Variants in PARD3B observed in about 807,000 individuals in gnomAD.
PARD3B encodes partitioning defective 3 homolog B.
A neutral mutation model predicts 130.2 loss-of-function variants in PARD3B; 103 were observed. That is an observed-to-expected ratio of 0.79 (90% CI 0.67 to 0.93). The LOEUF is 0.93. Ranked by LOEUF, PARD3B falls within the 40% of genes least tolerant of loss-of-function variation. The probability of loss-of-function intolerance (pLI) is 0.00; values close to 1 mark genes in which losing one functional copy is unlikely to be tolerated. For missense variants in PARD3B, 1,609 were observed against 1,499.2 expected, an observed-to-expected ratio of 1.07 and a Z score of -1.21; for synonymous variants, 583 against 553.2, an observed-to-expected ratio of 1.05 and a Z score of -0.76.
intron 2 of PARD3B, among the ~76,000 whole-genome samples, chr2:204,753,007 C>A (rs1294686581): frequency 6.6e-6 from 1 of 152,172 alleles, no homozygotes; most frequent in Admixed American, 6.6e-5. Flanking sequence ...AAAATGACAT[C>A]TTTTCAAAAT....
chr2:204,858,875 A>G, intron 2 of PARD3B, among the ~76,000 whole-genome samples: 1 of 150,954 alleles, frequency 6.6e-6, no homozygotes, highest in East Asian at 1.9e-4. Flanking sequence ...TTATGATTTC[A>G]GTTAGAATTT....
At chr2:205,053,486 A>C (rs1364220212) in intron 4 of PARD3B, among the ~76,000 whole-genome samples, 1 of 151,848 alleles carries the variant, frequency 6.6e-6, no homozygotes, top group African/African-American at 2.4e-5. Flanking sequence ...AAAATACAAA[A>C]AAAATTATCC....
At chr2:204,592,320 G>A (rs1262506997) in intron 1 of PARD3B, among the ~76,000 whole-genome samples, 2 of 152,232 alleles carry the variant, frequency 1.3e-5, no homozygotes, top group East Asian at 3.8e-4. Flanking sequence ...ACGAAAAAGA[G>A]CACATGTGAG....
At position 205,158,310 on chromosome 2, in the gene PARD3B, T is replaced by C. The variant is rs1337332080; in HGVS notation, c.1435-412T>C. On this transcript the variant is annotated intron_variant, in intron 10 of 22. Coordinates refer to ENST00000406610, the MANE Select transcript of PARD3B (RefSeq NM_001302769.2). This position sits in a 1 kb window ranked among gnomAD's most constrained non-coding sequence, Gnocchi z 5.4. ...TAAGACGTTTCTACACTAAACTCTG[T>C]TCCTTCATCTGTAAAGTGAAGATGT... Among the ~76,000 whole-genome samples, 1 of 152,190 alleles carries C rather than the reference T, an allele frequency of 6.6e-6. No individual in the cohort carries two copies. The highest frequency in any genetic ancestry group is 1.5e-5 in the Non-Finnish European group (1 of 68,034).
intron 2 of PARD3B, among the ~76,000 whole-genome samples, chr2:204,893,056 G>A (rs1048885413): frequency 1.3e-5 from 2 of 152,166 alleles, no homozygotes; most frequent in African/African-American, 4.8e-5. Context: ...GTAGGTCTGT[G>A]ACTTAGCCCA....
chr2:204,614,800 C>T (rs887047043), intron 1 of PARD3B, among the ~76,000 whole-genome samples: 3 of 152,136 alleles, frequency 2.0e-5, no homozygotes, highest in Admixed American at 6.6e-5. Flanking sequence ...CCTCCCGCTT[C>T]ACCTTCTGCC....
chr2:205,424,786 G>A (rs1222345902), intron 19 of PARD3B, among the ~76,000 whole-genome samples: 1 of 152,106 alleles, frequency 6.6e-6, no homozygotes, highest in Non-Finnish European at 1.5e-5. Context: ...AGCACCGAGG[G>A]CCTGTCGTTT....
intron 2 of PARD3B, among the ~76,000 whole-genome samples, chr2:204,819,613 T>C (rs2043264747): frequency 6.6e-6 from 1 of 152,142 alleles, no homozygotes; most frequent in South Asian, 2.1e-4. Context: ...TGATTAAGCT[T>C]AGTGAGGAAG....
intron 18 of PARD3B, among the ~76,000 whole-genome samples, chr2:205,328,704 A>G (rs1241837056): frequency 6.6e-6 from 1 of 152,204 alleles, no homozygotes; most frequent in East Asian, 1.9e-4. Context: ...AATAATACAT[A>G]TGGGATCACC....
chr2:205,209,715 G>A (rs1036260071), intron 15 of PARD3B, among the ~76,000 whole-genome samples: 1 of 151,856 alleles, frequency 6.6e-6, no homozygotes, highest in African/African-American at 2.4e-5. Flanking sequence ...AATACTTTAT[G>A]AAGTGATTAA....
intron 10 of PARD3B, among the ~76,000 whole-genome samples, chr2:205,137,417 T>C (rs539446773): frequency 1.6e-4 from 25 of 152,312 alleles, no homozygotes; most frequent in African/African-American, 6.0e-4. Flanking sequence ...TAGAGTGACA[T>C]GTTGTTGGCT....
chr2:204,833,229 T>G (rs1276819331), intron 2 of PARD3B, among the ~76,000 whole-genome samples: 1 of 152,216 alleles, frequency 6.6e-6, no homozygotes, highest in Non-Finnish European at 1.5e-5. Context: ...AAAGTGTTTG[T>G]CAGTATTCAC....
rs116729143 is a variant in PARD3B, at chr2:205,450,100, C to T, written c.3044+9428C>T. 1.4e-3 allele frequency among the ~76,000 whole-genome samples: 218 copies of T among 152,150 alleles called. 1 individual carries two copies. The highest frequency in any genetic ancestry group is 4.7e-3 in the African/African-American group (197 of 41,506). On this transcript the variant is annotated intron_variant, in intron 20 of 22. Coordinates refer to ENST00000406610, the MANE Select transcript of PARD3B (RefSeq NM_001302769.2). ...TATATCTGCTCTTGTCTGGTTTATTCGTGGATTAAATGAAATCATTTCAGT... is the reference window on the plus strand; with the variant it reads ...TATATCTGCTCTTGTCTGGTTTATTTGTGGATTAAATGAAATCATTTCAGT...
In PARD3B at chr2:204,998,333, T is replaced by TATAC. The variant is rs1553586566; in HGVS notation, c.394+33013_394+33014insCATA. ...TAAAGTATATATATATATATATATATATATATATATATATATATATATATA... is the reference window on the plus strand; with the variant it reads ...TAAAGTATATATATATATATATATATATACATATATATATATATATATATATATA... On this transcript the variant is annotated intron_variant, in intron 3 of 22. Transcript: ENST00000406610. 5.9e-4 allele frequency among the ~76,000 whole-genome samples: 23 copies of TATAC among 39,032 alleles called. 1 individual carries two copies. The East Asian group carries it at 0.012, about 21-fold the overall frequency. 25.6% of individuals were successfully genotyped at this position (39,032 alleles called of 152,430 possible).
chr2:204,890,828 A>T lies in PARD3B; in HGVS notation c.223-74324A>T, dbSNP rs1406865338. 6.6e-6 allele frequency among the ~76,000 whole-genome samples: 1 copy of T among 152,196 alleles called. No homozygotes were observed. Among genetic ancestry groups the T allele is most frequent in the East Asian group, 1.9e-4 (1 of 5,198 alleles). ...CACGTTTCACTGCAGCTACTACAGC[A>T]TCTTTGCTGTCTGGAGGGTATTGTT... On this transcript the variant is annotated intron_variant, in intron 2 of 22. Coordinates refer to ENST00000406610, the MANE Select transcript of PARD3B (RefSeq NM_001302769.2). This position sits in a 1 kb window ranked among gnomAD's most constrained non-coding sequence, Gnocchi z 4.9.
At chr2:204,643,115 C>CAAGAAAAAAAAAAAAAAA (rs2035145450) in intron 1 of PARD3B, among the ~76,000 whole-genome samples, 1 of 31,826 alleles carries the variant, frequency 3.1e-5, no homozygotes, top group Non-Finnish European at 5.9e-5. Flanking sequence ...CTCTGTCTCA[C>CAAGAAAAAAAAAAAAAAA]AAAAAAAAAA....
intron 22 of PARD3B, among the ~76,000 whole-genome samples, chr2:205,557,475 C>T (rs1191045796): frequency 1.3e-5 from 2 of 152,206 alleles, no homozygotes; most frequent in Non-Finnish European, 2.9e-5. Context: ...CAGAGTCCTG[C>T]ATCTTAGCTC....
At chr2:204,810,518 G>A (rs374603251) in intron 2 of PARD3B, among the ~76,000 whole-genome samples, 4 of 151,946 alleles carry the variant, frequency 2.6e-5, no homozygotes, top group East Asian at 3.9e-4. Context: ...GTGCATCATT[G>A]TGCATCTATT....
At chr2:205,067,660 T>A (rs1375972871) in intron 4 of PARD3B, among the ~76,000 whole-genome samples, 1 of 152,182 alleles carries the variant, frequency 6.6e-6, no homozygotes, top group African/African-American at 2.4e-5. Flanking sequence ...GGTATGTGTG[T>A]GGGTCTATTT....
Sources: allele counts gnomAD v4.1 joint callset (sites outside exome capture counted in the v4.1 genomes callset), GRCh38; gene constraint gnomAD v4.1.1; non-coding constraint Gnocchi (gnomAD v3.1); transcripts MANE v1.5; gene names NCBI Gene and HGNC (gene_info 2026-07-23, HGNC 2026-07-21).